RBM17: variants seen among roughly 807,000 people sequenced by gnomAD.
RBM17 encodes RNA binding motif protein 17, also known as splicing factor 45.
Under a neutral mutation model 53.2 loss-of-function variants are expected in RBM17, and 7 were observed. The ratio of observed to expected loss-of-function variants is 0.13; its 90% CI spans 0.07 to 0.25. The LOEUF (loss-of-function observed/expected upper bound fraction) is 0.25, where lower values mean the gene tolerates loss of function less well. Ranked by LOEUF, RBM17 falls within the 10% of genes least tolerant of loss-of-function variation. The pLI, the probability that RBM17 is intolerant of heterozygous loss-of-function variation, is 1.00. For missense variants in RBM17, 257 were observed against 496.7 expected (o/e 0.52, Z 4.59); for synonymous variants, 167 against 178.1 (o/e 0.94, Z 0.50).
Position 6,113,688 on chromosome 10 carries a change from A to G in RBM17, c.930+107A>G, listed in dbSNP as rs569838181. 1.4e-5 allele frequency: 11 copies of G among 780,870 alleles called. 1 individual carries two copies. The African/African-American group carries it at 1.5e-4, about 11-fold the overall frequency. 48.4% of individuals were successfully genotyped at this position (780,870 alleles called of 1,614,324 possible). A position where few individuals can be genotyped will look rare whatever the true frequency, so the allele number is the denominator to read the frequency against. ...TAAAACTGAAAATGATACTTTTGCA[A>G]ATAATACTTTGGGCAGATCCCACGT... On this transcript the variant is annotated intron_variant, in intron 9 of 11. Coordinates refer to ENST00000379888, the MANE Select transcript of RBM17 (RefSeq NM_032905.5).
chr10:6,090,091 G>A (rs1428073075), intron 1 of RBM17: 1 of 152,312 alleles, frequency 6.6e-6, no homozygotes, highest in African/African-American at 2.4e-5. Context: ...AGAAAGAAAG[G>A]TTTGAGGAGG....
At position 6,095,833 on chromosome 10, in the gene RBM17, G is replaced by A. The variant is rs75328129; in HGVS notation, c.-18-1215G>A. ...CCAACATCAGCGAAGGTGTTGGGGC[G>A]GCAGGGTCTTAGAATCCCTGTAATG... On this transcript the variant is annotated intron_variant, in intron 1 of 11. Transcript: ENST00000379888. Among the ~76,000 whole-genome samples the A allele has an allele frequency of 1.1e-3, 175 of 152,212 alleles. 1 individual carries two copies. Among genetic ancestry groups the A allele is most frequent in the Admixed American group, 2.7e-3 (42 of 15,298 alleles).
At chr10:6,108,418 A>G in intron 5 of RBM17, 1 of 457,966 alleles carries the variant, frequency 2.2e-6, no homozygotes, top group Non-Finnish European at 3.9e-6. Flanking sequence ...TTGCCTTAAA[A>G]TTCATTTGCA....
chr10:6,102,082 C>G (rs568285155), intron 3 of RBM17, among the ~76,000 whole-genome samples: 1 of 152,288 alleles, frequency 6.6e-6, no homozygotes, highest in South Asian at 2.1e-4. Context: ...AGTGAATAAA[C>G]TAGTTAAAAT....
chr10:6,109,579 G>A (rs1840806269), intron 6 of RBM17, among the ~76,000 whole-genome samples: 1 of 152,182 alleles, frequency 6.6e-6, no homozygotes, highest in Admixed American at 6.5e-5. Context: ...TGTGGGCCAT[G>A]AGCTGATGAG....
Position 6,093,143 on chromosome 10 carries a change from G to T in RBM17, c.-18-3905G>T, listed in dbSNP as rs191633644. ...CAGAGTTGACTCTTCTGGGGAGGGT[G>T]AGGAGTGTTGCCTCCCTCTCTGGGG... On this transcript the variant is annotated intron_variant, in intron 1 of 11. Coordinates refer to ENST00000379888, the MANE Select transcript of RBM17 (RefSeq NM_032905.5). Among the ~76,000 whole-genome samples the T allele has an allele frequency of 2.6e-5, 4 of 152,312 alleles. No homozygotes were observed. In the East Asian group the frequency reaches 7.7e-4, roughly 29 times the overall value.
intron 5 of RBM17, 92 bp downstream of exon 5, chr10:6,106,330 C>A: frequency 1.2e-6 from 1 of 800,864 alleles, no homozygotes; most frequent in Admixed American, 2.3e-5. Context: ...ATAAATAGTT[C>A]ATTTGACATT....
chr10:6,102,997 G>T (rs11256762), intron 3 of RBM17, among the ~76,000 whole-genome samples: 5,930 of 152,180 alleles, frequency 0.039, 206 homozygotes, highest in African/African-American at 0.097. Context: ...TCACCATGTT[G>T]CCCAGGCTAG....
chr10:6,096,061 C>G (rs1170649001), intron 1 of RBM17, among the ~76,000 whole-genome samples: 1 of 152,206 alleles, frequency 6.6e-6, no homozygotes, highest in Non-Finnish European at 1.5e-5. Context: ...CTGGGAACTA[C>G]TGTGCTAAGC....
chr10:6,102,787 C>T, intron 3 of RBM17, among the ~76,000 whole-genome samples: 1 of 152,178 alleles, frequency 6.6e-6, no homozygotes, highest in Non-Finnish European at 1.5e-5. Flanking sequence ...AAATACCACT[C>T]TAATGAACAT....
chr10:6,104,516 T>G (rs1840718266), intron 3 of RBM17, among the ~76,000 whole-genome samples: 1 of 152,230 alleles, frequency 6.6e-6, no homozygotes, highest in Admixed American at 6.5e-5. Flanking sequence ...TCTGTTAAAA[T>G]GATGACTGCA....
At chr10:6,091,853 G>T (rs561259047) in intron 1 of RBM17, among the ~76,000 whole-genome samples, 6 of 140,270 alleles carry the variant, frequency 4.3e-5, no homozygotes, top group South Asian at 5.1e-4. Flanking sequence ...AAACCAGTTG[G>T]GGGGGGTTAG....
chr10:6,093,400 A>G (rs1025720636), intron 1 of RBM17, among the ~76,000 whole-genome samples: 3 of 151,960 alleles, frequency 2.0e-5, no homozygotes, highest in African/African-American at 7.3e-5. Context: ...TATATTTTTA[A>G]TAGAGATGGG....
intron 2 of RBM17, among the ~76,000 whole-genome samples, chr10:6,100,452 C>T (rs528554968): frequency 6.6e-6 from 1 of 152,126 alleles, no homozygotes; most frequent in Non-Finnish European, 1.5e-5. Flanking sequence ...CTCCAGGTTT[C>T]AGGAATTACA....
Position 6,101,309 on chromosome 10 carries a change from C to T in RBM17, c.162C>T (p.Val54=). The T allele has an allele frequency of 6.2e-7, 1 of 1,613,362 alleles. No individual in the cohort carries two copies. Among genetic ancestry groups the T allele is most frequent in the Non-Finnish European group, 8.5e-7 (1 of 1,179,830 alleles). ...AACAAAGTACAGTCCTCGCCCCAGTCATTGACCTGAAGCGAGGTGGCTCCT... is the reference window on the plus strand; with the variant it reads ...AACAAAGTACAGTCCTCGCCCCAGTTATTGACCTGAAGCGAGGTGGCTCCT... ...RTKQSTVLAP[V]IDLKRGGSSD... Residue 54 remains valine, a synonymous_variant, in exon 3 of 12, where the codon GTC becomes GTT. Transcript: ENST00000379888.
intron 4 of RBM17, 140 bp downstream of exon 4, chr10:6,105,237 G>GT: frequency 1.4e-6 from 1 of 737,094 alleles, no homozygotes; most frequent in South Asian, 2.0e-5. Flanking sequence ...GAATCAAACT[G>GT]TTTTACGATT....
chr10:6,115,065 A>G (rs907942268), intron 10 of RBM17, 174 bp from the exon 11 acceptor site: 53 of 607,394 alleles, frequency 8.7e-5, no homozygotes, highest in Non-Finnish European at 9.1e-5. Flanking sequence ...AAAAACAGGC[A>G]TTCAGTACGT....
rs181059174 is a variant in RBM17, at chr10:6,108,682, G to T, written c.506-4G>T. ...CTTTAATGCTTGGATTTGTGGTTTTGCAGGTATGGGCGGAGCTGCCATTGC... is the reference window on the plus strand; with the variant it reads ...CTTTAATGCTTGGATTTGTGGTTTTTCAGGTATGGGCGGAGCTGCCATTGC... On this transcript the variant is annotated splice_region_variant and splice_polypyrimidine_tract_variant and intron_variant, in intron 5 of 11. Transcript: ENST00000379888. The T allele has an allele frequency of 3.4e-4, 552 of 1,610,496 alleles. 1 individual carries two copies. Among genetic ancestry groups the T allele is most frequent in the Admixed American group, 6.2e-4 (37 of 59,944 alleles).
chr10:6,095,009 CAG>C (rs1840551201), intron 1 of RBM17, among the ~76,000 whole-genome samples: 2 of 152,186 alleles, frequency 1.3e-5, no homozygotes, highest in Non-Finnish European at 2.9e-5. Flanking sequence ...AAGTGGACAT[CAG>C]GGGATTCCCT....
Sources: gnomAD v4.1 joint callset for allele counts (sites outside exome capture counted in the v4.1 genomes callset) on GRCh38, gnomAD v4.1.1 for gene constraint, MANE v1.5 for transcripts, NCBI Gene and HGNC (gene_info 2026-07-23, HGNC 2026-07-21) for gene names.